Variants in SDK1 observed in about 807,000 individuals in gnomAD.
SDK1 encodes sidekick cell adhesion molecule 1, also known as protein sidekick-1.
SDK1 carries 157 observed loss-of-function variants against 245.5 expected under a neutral mutation model. The observed-to-expected ratio is 0.64, with a 90% CI of 0.56 to 0.73. The LOEUF is 0.73. SDK1 is among the 30% of genes least tolerant of loss of function. The pLI is 0.00. For missense variants in SDK1, 3,583 were observed against 3,002.3 expected, an observed-to-expected ratio of 1.19 and a Z score of -4.52; for synonymous variants, 1,647 against 1,278.5, an observed-to-expected ratio of 1.29 and a Z score of -6.15.
intron 4 of SDK1, among the ~76,000 whole-genome samples, chr7:3,649,331 C>G (rs560052118): frequency 1.3e-5 from 2 of 151,968 alleles, no homozygotes; most frequent in Admixed American, 6.6e-5. Context: ...TTTCAAAGTT[C>G]ATAGATGGAT....
In SDK1 at chr7:3,635,550, A is replaced by C. The variant is rs371930068; in HGVS notation, c.459-3454A>C. 3.3e-5 allele frequency among the ~76,000 whole-genome samples: 5 copies of C among 152,306 alleles called. No homozygotes were observed. The South Asian group carries it at 6.2e-4, about 19-fold the overall frequency. ...TAGCATACACTTTGTCTTTTACTCG[A>C]TTTTGAAAAAGTTTCTCTGGTTATA... On this transcript the variant is annotated intron_variant, in intron 2 of 44. Coordinates refer to ENST00000404826, the MANE Select transcript of SDK1 (RefSeq NM_152744.4).
intron 4 of SDK1, among the ~76,000 whole-genome samples, chr7:3,664,115 G>T (rs757573335): frequency 6.6e-6 from 1 of 152,004 alleles, no homozygotes; most frequent in Admixed American, 6.5e-5. Context: ...AATTAGCCCA[G>T]TGAGCATTTC....
At position 3,892,001 on chromosome 7, in the gene SDK1, G is replaced by C; in HGVS notation, c.848-58922G>C. On this transcript the variant is annotated intron_variant, in intron 5 of 44. Transcript: ENST00000404826. ...AGATTCTGTTTTGAAAACAAGTTTA[G>C]TTAGGCCAATTTTCTAAGTTATCAT... Among the ~76,000 whole-genome samples the C allele has an allele frequency of 1.3e-5, 2 of 152,136 alleles. 1 individual carries two copies. The highest frequency in any genetic ancestry group is 6.8e-3 in the Middle Eastern group (2 of 294).
intron 5 of SDK1, among the ~76,000 whole-genome samples, chr7:3,864,850 C>T (rs954251487): frequency 6.6e-6 from 1 of 152,288 alleles, no homozygotes; most frequent in Admixed American, 6.5e-5. Flanking sequence ...TAGTGGATCA[C>T]TAATACCAGT....
chr7:3,584,087 G>C (rs992053447), intron 1 of SDK1, among the ~76,000 whole-genome samples: 2 of 152,158 alleles, frequency 1.3e-5, no homozygotes, highest in African/African-American at 4.8e-5. Context: ...ACATCGATTT[G>C]AATACTTTTT....
At chr7:3,919,579 A>G (rs573133601) in intron 5 of SDK1, among the ~76,000 whole-genome samples, 1 of 152,320 alleles carries the variant, frequency 6.6e-6, no homozygotes, top group Non-Finnish European at 1.5e-5. Flanking sequence ...ATGTCGAGGC[A>G]TTGACCAAAA....
chr7:3,459,393 T>C (rs1313438514), intron 1 of SDK1, among the ~76,000 whole-genome samples: 1 of 152,228 alleles, frequency 6.6e-6, no homozygotes, highest in African/African-American at 2.4e-5. Context: ...GTTTTTAACA[T>C]TATCTGATGT....
chr7:3,999,569 G>A (rs1455450063), intron 14 of SDK1, among the ~76,000 whole-genome samples: 1 of 152,162 alleles, frequency 6.6e-6, no homozygotes, highest in Non-Finnish European at 1.5e-5. Flanking sequence ...GTGCCTCGGG[G>A]CGGGGGAGGC....
intron 1 of SDK1, among the ~76,000 whole-genome samples, chr7:3,353,081 A>G (rs1023724550): frequency 1.3e-5 from 2 of 152,054 alleles, no homozygotes; most frequent in South Asian, 2.1e-4. Context: ...TATTATCCCA[A>G]TTTAGCTTTT....
chr7:4,023,448 C>T (rs2128155095), intron 17 of SDK1, among the ~76,000 whole-genome samples: 1 of 152,258 alleles, frequency 6.6e-6, no homozygotes, highest in African/African-American at 2.4e-5. Flanking sequence ...GCCTGAAACT[C>T]CAACAGACTC....
chr7:4,036,496 G>A (rs1052771921), intron 17 of SDK1, among the ~76,000 whole-genome samples: 1 of 152,206 alleles, frequency 6.6e-6, no homozygotes. Flanking sequence ...TTACAAAACT[G>A]ATTACATCTC....
chr7:4,074,920 T>A (rs7458906), intron 20 of SDK1, among the ~76,000 whole-genome samples: 4,302 of 102,088 alleles, frequency 0.042, 101 homozygotes, highest in South Asian at 0.071. Context: ...ATATATATTT[T>A]TTTTTTTTTT....
intron 1 of SDK1, among the ~76,000 whole-genome samples, chr7:3,535,574 G>C (rs1778859377): frequency 6.6e-6 from 1 of 152,098 alleles, no homozygotes; most frequent in Non-Finnish European, 1.5e-5. Flanking sequence ...AGTTTTCTCA[G>C]CTGTAAAGCG....
At chr7:3,362,661 C>G (rs1169690067) in intron 1 of SDK1, among the ~76,000 whole-genome samples, 1 of 152,012 alleles carries the variant, frequency 6.6e-6, no homozygotes, top group Non-Finnish European at 1.5e-5. Context: ...ACTTTGTAAG[C>G]CAGCACTTTG....
intron 13 of SDK1, 167 bp downstream of exon 13, chr7:3,974,712 T>C (rs1018426097): frequency 1.9e-5 from 11 of 594,398 alleles, no homozygotes; most frequent in African/African-American, 1.7e-4. Context: ...AAGGTTTTTT[T>C]GTGGTTTCTT....
intron 1 of SDK1, among the ~76,000 whole-genome samples, chr7:3,408,383 A>G (rs1029841909): frequency 2.6e-5 from 4 of 152,110 alleles, no homozygotes; most frequent in Non-Finnish European, 5.9e-5. Flanking sequence ...AATTCACTGT[A>G]TGACTAAAAT....
At chr7:3,571,015 C>T (rs781687834) in intron 1 of SDK1, among the ~76,000 whole-genome samples, 3 of 151,998 alleles carry the variant, frequency 2.0e-5, no homozygotes, top group Non-Finnish European at 4.4e-5. Flanking sequence ...TCTCACAGAG[C>T]TAATACTTTG....
intron 4 of SDK1, among the ~76,000 whole-genome samples, chr7:3,690,323 G>C (rs923755309): frequency 9.2e-5 from 14 of 151,948 alleles, no homozygotes; most frequent in African/African-American, 3.1e-4. Flanking sequence ...TTTTTTTACT[G>C]TAACTAGAAA....
chr7:3,346,726 C>CATAT lies in SDK1; in HGVS notation c.298+44850_298+44853dup, dbSNP rs10636475. On this transcript the variant is annotated intron_variant, in intron 1 of 44. Coordinates refer to ENST00000404826, the MANE Select transcript of SDK1 (RefSeq NM_152744.4). ...TTGTGTGTGTGTGTATATATGTATA[C>CATAT]ATATATATATACACGTATATATATG... 2.8e-4 allele frequency among the ~76,000 whole-genome samples: 32 copies of CATAT among 114,620 alleles called. 1 individual carries two copies. Among genetic ancestry groups the CATAT allele is most frequent in the South Asian group, 1.4e-3 (5 of 3,494 alleles). The allele number at this position is 114,620 out of a possible 152,430, so 75.2% of individuals were successfully genotyped here.
Sources: allele counts gnomAD v4.1 joint callset (sites outside exome capture counted in the v4.1 genomes callset), GRCh38; gene constraint gnomAD v4.1.1; transcripts MANE v1.5; gene names NCBI Gene and HGNC (gene_info 2026-07-23, HGNC 2026-07-21).